Variants in ITPR2 observed in about 807,000 individuals in gnomAD.
ITPR2 encodes inositol 1,4,5-trisphosphate-gated calcium channel ITPR2.
Under a neutral mutation model 317.1 loss-of-function variants are expected in ITPR2, and 207 were observed. The observed-to-expected ratio is 0.65, with a 90% CI of 0.58 to 0.73. The LOEUF (loss-of-function observed/expected upper bound fraction) is 0.73, where lower values mean the gene tolerates loss of function less well. Among genes scored for constraint, ITPR2 ranks in the 30% least tolerant of loss-of-function variants. The probability of loss-of-function intolerance (pLI) is 0.00; values close to 1 mark genes in which losing one functional copy is unlikely to be tolerated. For missense variants in ITPR2, 2,613 were observed against 3,284.0 expected (o/e 0.80, Z 4.99); for synonymous variants, 1,156 against 1,149.1 (o/e 1.01, Z -0.12).
At chr12:26,367,374 T>A (rs1939044907) in intron 55 of ITPR2, among the ~76,000 whole-genome samples, 2 of 152,210 alleles carry the variant, frequency 1.3e-5, no homozygotes, top group Non-Finnish European at 2.9e-5. Context: ...CCTGATTGAT[T>A]TCTTTCTCCA....
At chr12:26,638,800 G>C (rs1946916549) in intron 21 of ITPR2, among the ~76,000 whole-genome samples, 1 of 152,018 alleles carries the variant, frequency 6.6e-6, no homozygotes, top group Non-Finnish European at 1.5e-5. Flanking sequence ...TACACAAATA[G>C]GAAGAAAATA....
intron 9 of ITPR2, among the ~76,000 whole-genome samples, chr12:26,696,958 A>T (rs1047568111): frequency 5.3e-5 from 8 of 152,228 alleles, no homozygotes; most frequent in African/African-American, 1.9e-4. Context: ...AGTGGAGGGA[A>T]AAGATGATGG....
chr12:26,489,293 G>A (rs1214670732), intron 39 of ITPR2, among the ~76,000 whole-genome samples: 1 of 152,222 alleles, frequency 6.6e-6, no homozygotes, highest in Non-Finnish European at 1.5e-5. Flanking sequence ...AGATATGTGT[G>A]ACAGGAGACT....
intron 48 of ITPR2, among the ~76,000 whole-genome samples, chr12:26,435,263 A>G (rs1454108681): frequency 6.6e-6 from 1 of 152,098 alleles, no homozygotes; most frequent in Admixed American, 6.6e-5. Context: ...CTCTCTTTCC[A>G]CTACGCTTCC....
intron 2 of ITPR2, among the ~76,000 whole-genome samples, chr12:26,783,730 C>T (rs1211025738): frequency 6.6e-6 from 1 of 152,114 alleles, no homozygotes; most frequent in Non-Finnish European, 1.5e-5. Context: ...GCATAATACC[C>T]TCATTATGAG....
intron 13 of ITPR2, among the ~76,000 whole-genome samples, chr12:26,678,076 A>G (rs1051256342): frequency 2.0e-5 from 3 of 152,202 alleles, no homozygotes; most frequent in African/African-American, 7.2e-5. Context: ...CCAGGAGTTC[A>G]GTAATACTGA....
rs539315671 is a variant in ITPR2 at position 26,360,358 on chromosome 12, C to T, written c.7858-20030G>A. 1.8e-4 allele frequency among the ~76,000 whole-genome samples: 28 copies of T among 152,296 alleles called. No individual in the cohort carries two copies. The South Asian group carries it at 5.0e-3, about 27-fold the overall frequency. On this transcript the variant is annotated intron_variant, in intron 55 of 56. Coordinates refer to ENST00000381340, the MANE Select transcript of ITPR2 (RefSeq NM_002223.4). ...CTCCTATTCTGGCCTTGTTGTTTCC[C>T]GTCTTCGAGGTCCGCTGTTTTGCAG...
chr12:26,693,845 C>A (rs1948284709), intron 10 of ITPR2, among the ~76,000 whole-genome samples: 1 of 152,162 alleles, frequency 6.6e-6, no homozygotes, highest in African/African-American at 2.4e-5. Context: ...TTACTAGAAA[C>A]AACTTACAAA....
intron 48 of ITPR2, among the ~76,000 whole-genome samples, chr12:26,434,718 C>T (rs1258235314): frequency 6.6e-6 from 1 of 152,152 alleles, no homozygotes; most frequent in Admixed American, 6.5e-5. Context: ...TCTGGGCTTC[C>T]ATCTGTTCAT....
In ITPR2 at chr12:26,567,982, A is replaced by ATATTATATATAT. The variant is rs1565609559; in HGVS notation, c.4631-6031_4631-6030insATATATATAATA. ...TATATATATATATTATATATATTAT[A>ATATTATATATAT]TATATATATATATATTATATATATT... On this transcript the variant is annotated intron_variant, in intron 34 of 56. Transcript: ENST00000381340. Among the ~76,000 whole-genome samples the ATATTATATATAT allele has an allele frequency of 2.2e-3, 25 of 11,480 alleles. 2 individuals are homozygous for ATATTATATATAT. The highest frequency in any genetic ancestry group is 9.0e-3 in the South Asian group (3 of 334). 7.5% of individuals were successfully genotyped at this position (11,480 alleles called of 152,430 possible).
intron 2 of ITPR2, among the ~76,000 whole-genome samples, chr12:26,738,021 A>G (rs1331855315): frequency 1.3e-5 from 2 of 152,198 alleles, no homozygotes; most frequent in Non-Finnish European, 2.9e-5. Flanking sequence ...ACACACACGC[A>G]CACACATACA....
At chr12:26,735,506 G>T (rs1949106154) in intron 2 of ITPR2, among the ~76,000 whole-genome samples, 1 of 152,134 alleles carries the variant, frequency 6.6e-6, no homozygotes, top group Admixed American at 6.5e-5. Context: ...AGGGGGAAGG[G>T]AGAAGAAGAG....
intron 2 of ITPR2, among the ~76,000 whole-genome samples, chr12:26,789,358 C>T (rs1950306579): frequency 6.6e-6 from 1 of 152,192 alleles, no homozygotes; most frequent in South Asian, 2.1e-4. Flanking sequence ...TTTTCCATTG[C>T]AGTAAGCAGC....
chr12:26,525,137 C>A (rs1362877102), intron 37 of ITPR2, among the ~76,000 whole-genome samples: 1 of 152,044 alleles, frequency 6.6e-6, no homozygotes, highest in African/African-American at 2.4e-5. Flanking sequence ...AAGAAATTTC[C>A]AAAGATTTTA....
chr12:26,416,491 A>G (rs1270762335), intron 50 of ITPR2, among the ~76,000 whole-genome samples: 1 of 152,138 alleles, frequency 6.6e-6, no homozygotes, highest in Non-Finnish European at 1.5e-5. Flanking sequence ...GAAATGATCA[A>G]TTATGTGTCA....
At chr12:26,795,681 T>C (rs1311691680) in intron 1 of ITPR2, among the ~76,000 whole-genome samples, 1 of 152,072 alleles carries the variant, frequency 6.6e-6, no homozygotes, top group East Asian at 1.9e-4. Context: ...TGTAGAAGCA[T>C]ATTATAAAAA....
intron 26 of ITPR2, among the ~76,000 whole-genome samples, chr12:26,613,571 C>G (rs1946317496): frequency 6.6e-6 from 1 of 151,738 alleles, no homozygotes; most frequent in South Asian, 2.1e-4. Flanking sequence ...CAGACACACA[C>G]ACACACACAC....
At chr12:26,592,408 A>C (rs1945731164) in intron 32 of ITPR2, among the ~76,000 whole-genome samples, 1 of 152,236 alleles carries the variant, frequency 6.6e-6, no homozygotes, top group African/African-American at 2.4e-5. Flanking sequence ...AAGAAATATA[A>C]CTGGATTGTT....
At chr12:26,359,218 C>A (rs1285342218) in intron 55 of ITPR2, among the ~76,000 whole-genome samples, 1 of 152,162 alleles carries the variant, frequency 6.6e-6, no homozygotes, top group Non-Finnish European at 1.5e-5. Context: ...AGAAAGTGTC[C>A]CGCCACTGCT....
Sources: gnomAD v4.1 joint callset for allele counts (sites outside exome capture counted in the v4.1 genomes callset) on GRCh38, gnomAD v4.1.1 for gene constraint, MANE v1.5 for transcripts, NCBI Gene and HGNC (gene_info 2026-07-23, HGNC 2026-07-21) for gene names.